Variants in CEP170B observed in about 807,000 individuals in gnomAD.
CEP170B encodes centrosomal protein of 170 kDa protein B.
In CEP170B, 55 loss-of-function variants were observed where a neutral mutation model predicts 120.6. The observed-to-expected ratio is 0.46, with a 90% CI of 0.37 to 0.57. CEP170B has a LOEUF of 0.57. Among genes scored for constraint, CEP170B ranks in the 20% least tolerant of loss-of-function variants. The probability of loss-of-function intolerance (pLI) is 0.00; values close to 1 mark genes in which losing one functional copy is unlikely to be tolerated. For missense variants in CEP170B, 2,212 were observed against 2,253.3 expected (o/e 0.98, Z 0.37); for synonymous variants, 1,033 against 954.5 (o/e 1.08, Z -1.52).
At chr14:104,869,614 C>T (rs1369851116) in intron 2 of CEP170B, among the ~76,000 whole-genome samples, 5 of 152,166 alleles carry the variant, frequency 3.3e-5, no homozygotes, top group Admixed American at 2.6e-4. Flanking sequence ...TCATTTCCAG[C>T]GTGGTAGCTT....
chr14:104,886,597 A>G lies in CEP170B; in HGVS notation c.2358A>G (p.Pro786=), dbSNP rs894136371. 2 of 1,517,538 alleles carry G rather than the reference A, an allele frequency of 1.3e-6. No homozygotes were observed. The highest frequency in any genetic ancestry group is 2.2e-5 in the Admixed American group (1 of 44,592). 94.0% of individuals were successfully genotyped at this position (1,517,538 alleles called of 1,614,324 possible). Residue 786 remains proline (P), a synonymous_variant, in exon 12 of 19, where the codon CCA becomes CCG. Coordinates refer to ENST00000414716, the MANE Select transcript of CEP170B (RefSeq NM_001112726.3). ...CGTGGAGCAGGGGTCGGCGCTCACC[A>G]AGGGCCCCCGGGGAGCCAACTCCCG... ...GPTWSRGRRS[P]RAPGEPTPAS... is the part of the protein sequence containing the mutation.
At chr14:104,889,941 GATGGATGGATGA>G (rs1172873463) in intron 13 of CEP170B, among the ~76,000 whole-genome samples, 183 bp downstream of exon 13, 650 of 40,428 alleles carry the variant, frequency 0.016, 11 homozygotes, top group African/African-American at 0.033. Flanking sequence ...TGGATGGATG[GATGGATGGATGA>G]ATGGATGGAT....
At position 104,887,038 on chromosome 14, in the gene CEP170B, G is replaced by A. The variant is rs1344558396; in HGVS notation, c.2799G>A (p.Val933=). ...ALEARLLSNS[V]DAECEGGSTP... is the part of the protein sequence containing the mutation. ...AGGCCCGACTCCTCTCTAATTCTGT[G>A]GATGCCGAGTGTGAGGGGGGCAGCA... The change falls in exon 12 of 19, where the codon GTG becomes GTA. Residue 933 remains valine, a synonymous_variant. Coordinates refer to ENST00000414716, the MANE Select transcript of CEP170B (RefSeq NM_001112726.3). 2 of 1,611,308 alleles carry A rather than the reference G, an allele frequency of 1.2e-6. No individual in the cohort carries two copies. The highest frequency in any genetic ancestry group is 1.7e-6 in the Non-Finnish European group (2 of 1,179,820).
chr14:104,870,349 A>G lies in CEP170B; in HGVS notation c.105+1794A>G, dbSNP rs1043814351. 2.0e-5 allele frequency among the ~76,000 whole-genome samples: 3 copies of G among 152,234 alleles called. No individual in the cohort carries two copies. Among genetic ancestry groups the G allele is most frequent in the Admixed American group, 2.0e-4 (3 of 15,290 alleles). The stretch of plus-strand genomic sequence containing the variant: ...GTGTAAAGATCATTCTTAGTTCTCA[A>G]GCCATCTAAAGACAGGCGGCAGGCC... On this transcript the variant is annotated intron_variant, in intron 2 of 18. Coordinates refer to ENST00000414716, the MANE Select transcript of CEP170B (RefSeq NM_001112726.3). This position sits in a 1 kb window ranked among gnomAD's most constrained non-coding sequence, Gnocchi z 4.1.
rs1027412559 is a variant in CEP170B, at chr14:104,868,928, C to T, written c.105+373C>T. ...GGAAGGTCCTGGAAAGCCGGTCTGT[C>T]CATATTCTTGTTGTCTGGGGGCCCC... is the stretch of plus-strand genomic sequence containing the variant. On this transcript the variant is annotated intron_variant, in intron 2 of 18. Transcript: ENST00000414716. This position sits in a 1 kb window ranked among gnomAD's most constrained non-coding sequence, Gnocchi z 5.9. Among the ~76,000 whole-genome samples, 3 of 152,112 alleles carry T rather than the reference C, an allele frequency of 2.0e-5. No homozygotes were observed. The highest frequency in any genetic ancestry group is 4.4e-5 in the Non-Finnish European group (3 of 68,022).
At chr14:104,885,661 C>A in intron 10 of CEP170B, 119 bp downstream of exon 10, 1 of 1,337,420 alleles carries the variant, frequency 7.5e-7, no homozygotes, top group South Asian at 1.4e-5. Flanking sequence ...CTGAGGGACA[C>A]GCTCAGAGGA....
intron 12 of CEP170B, 114 bp downstream of exon 12, chr14:104,888,092 G>A (rs1595352570): frequency 8.5e-7 from 1 of 1,181,994 alleles, no homozygotes; most frequent in Non-Finnish European, 1.1e-6. Context: ...GGCACGAGAG[G>A]AGCCTCTGTT....
Position 104,894,939 on chromosome 14 carries a change from C to G in CEP170B, c.4646C>G (p.Ala1549Gly), listed in dbSNP as rs760191296. Residue 1549 changes from alanine (A) to glycine (G), a missense_variant, in exon 19 of 19, where the codon GCC becomes GGC. Coordinates refer to ENST00000414716, the MANE Select transcript of CEP170B (RefSeq NM_001112726.3). Reference protein sequence around the residue: ...SLPDPTFLPDAERFLI With the variant: ...SLPDPTFLPDGERFLI ...CCGGACCCCACCTTCCTCCCTGATG[C>G]CGAGAGGTTCCTGATCTAGGCCCCA... is the stretch of plus-strand genomic sequence containing the variant. 5.1e-5 allele frequency: 81 copies of G among 1,588,454 alleles called. No individual in the cohort carries two copies. Among genetic ancestry groups the G allele is most frequent in the Non-Finnish European group, 3.9e-5 (46 of 1,167,212 alleles).
intron 3 of CEP170B, 52 bp from the exon 4 acceptor site, chr14:104,877,833 G>GCCCCCCCCCCCCCCCCCC: frequency 5.6e-6 from 2 of 359,776 alleles, no homozygotes; most frequent in Admixed American, 5.8e-5. Context: ...CCTGCCCACA[G>GCCCCCCCCCCCCCCCCCC]CCACCCACCC....
At chr14:104,881,094 C>T (rs1326990134) in intron 6 of CEP170B, among the ~76,000 whole-genome samples, 1 of 152,200 alleles carries the variant, frequency 6.6e-6, no homozygotes, top group Non-Finnish European at 1.5e-5. Flanking sequence ...GGACTGGATT[C>T]TGCAGACCGA....
At chr14:104,892,741 C>T (rs1896906475) in intron 13 of CEP170B, among the ~76,000 whole-genome samples, 1 of 152,254 alleles carries the variant, frequency 6.6e-6, no homozygotes, top group Non-Finnish European at 1.5e-5. Context: ...CGTCCCAGCC[C>T]CCCACCATCC....
At position 104,871,381 on chromosome 14, in the gene CEP170B, C is replaced by T. The variant is rs577233805; in HGVS notation, c.105+2826C>T. Among the ~76,000 whole-genome samples, 581 of 141,280 alleles carry T rather than the reference C, an allele frequency of 4.1e-3. 3 individuals carry two copies. Among genetic ancestry groups the T allele is most frequent in the Non-Finnish European group, 6.3e-3 (400 of 63,916 alleles). The allele number at this position is 141,280 out of a possible 152,430, so 92.7% of individuals were successfully genotyped here. A position where few individuals can be genotyped will look rare whatever the true frequency, so the allele number is the denominator to read the frequency against. ...TCCCCTTCCCTCTGCTCAGTGCCAC[C>T]CCCACCCCCACCCCACGCACAGACA... On this transcript the variant is annotated intron_variant, in intron 2 of 18. Coordinates refer to ENST00000414716, the MANE Select transcript of CEP170B (RefSeq NM_001112726.3).
chr14:104,894,961 C>T lies in CEP170B; in HGVS notation c.*3C>T. ...ATGCCGAGAGGTTCCTGATCTAGGC[C>T]CCAGACCTGGCCAGGCCAGCCTCCC... On this transcript the variant is annotated 3_prime_UTR_variant, in exon 19 of 19. Coordinates refer to ENST00000414716, the MANE Select transcript of CEP170B (RefSeq NM_001112726.3). The T allele has an allele frequency of 1.9e-6, 3 of 1,565,530 alleles. No homozygotes were observed. The highest frequency in any genetic ancestry group is 2.6e-6 in the Non-Finnish European group (3 of 1,152,522).
intron 6 of CEP170B, 112 bp downstream of exon 6, chr14:104,880,537 C>G (rs1413963229): frequency 6.9e-7 from 1 of 1,447,212 alleles, no homozygotes; most frequent in Non-Finnish European, 9.3e-7. Flanking sequence ...ACCATGTACA[C>G]CCATACCCCT....
chr14:104,885,994 G>A (rs767618455), intron 10 of CEP170B, 46 bp from the exon 11 acceptor site: 51 of 1,475,124 alleles, frequency 3.5e-5, no homozygotes, highest in Non-Finnish European at 4.3e-5. Context: ...CCTGCTTCTC[G>A]CCGTTGGGCT....
rs1895649238 is a variant in CEP170B, at chr14:104,872,907, A to G, written c.106-3349A>G. Among the ~76,000 whole-genome samples, 4 of 152,094 alleles carry G rather than the reference A, an allele frequency of 2.6e-5. No homozygotes were observed. The South Asian group carries it at 6.2e-4, about 24-fold the overall frequency. On this transcript the variant is annotated intron_variant, in intron 2 of 18. Coordinates refer to ENST00000414716, the MANE Select transcript of CEP170B (RefSeq NM_001112726.3). ...TTATTAGACACTTTCCCCAAAATCC[A>G]TGTGTTTGGGGCGTCTTCCGGCCAT...
intron 8 of CEP170B, 91 bp from the exon 9 acceptor site, chr14:104,883,740 C>T (rs1324390142): frequency 1.5e-6 from 2 of 1,301,276 alleles, no homozygotes; most frequent in South Asian, 1.5e-5. Context: ...TTTGTCAACT[C>T]AGCTAAGGCA....
In CEP170B at chr14:104,885,448, A is replaced by T; in HGVS notation, c.1850A>T (p.Asp617Val). ...TFRPVIRGDR[D>V]ESDDGGVAQR... ...CGCCCAGTCATCAGAGGGGACAGAG[A>T]TGAGTCTGATGACGGGGGCGTGGCC... The change falls in exon 10 of 19, where the codon GAT becomes GTT. Residue 617 changes from aspartate to valine, a missense_variant. Physicochemically the swap from Asp to Val is radical, Grantham distance 152. Transcript: ENST00000414716. 1 of 1,563,694 alleles carries T rather than the reference A, an allele frequency of 6.4e-7. No homozygotes were observed. The highest frequency in any genetic ancestry group is 8.7e-7 in the Non-Finnish European group (1 of 1,155,038).
rs1050112037 is a variant in CEP170B, at chr14:104,896,327, GA to G, written c.*1370del. Reference sequence around the variant, plus strand: ...CCACCTGATGTTTACGTGTGTGTGTGAGGGGGGGCGGGGGTGGCAGGTGTCC... The same window carrying G: ...CCACCTGATGTTTACGTGTGTGTGTGGGGGGGGCGGGGGTGGCAGGTGTCC... On this transcript the variant is annotated 3_prime_UTR_variant, in exon 19 of 19. Transcript: ENST00000414716. 32 of 340,872 alleles carry G rather than the reference GA, an allele frequency of 9.4e-5. No individual in the cohort carries two copies. The highest frequency in any genetic ancestry group is 6.0e-4 in the African/African-American group (28 of 46,532). The allele number at this position is 340,872 out of a possible 1,614,324, so 21.1% of individuals were successfully genotyped here. A position where few individuals can be genotyped will look rare whatever the true frequency, so the allele number is the denominator to read the frequency against.
Sources: allele counts gnomAD v4.1 joint callset (sites outside exome capture counted in the v4.1 genomes callset), GRCh38; gene constraint gnomAD v4.1.1; non-coding constraint Gnocchi (gnomAD v3.1); transcripts MANE v1.5; gene names NCBI Gene and HGNC (gene_info 2026-07-23, HGNC 2026-07-21).